The following VWF variants were observed in gnomAD, a reference collection of about 807,000 sequenced individuals.
VWF encodes the protein von Willebrand factor, also known as Factor VIII related antigen.
In VWF, 176 loss-of-function variants were observed where a neutral mutation model predicts 308.6. The observed-to-expected ratio is 0.57, with a 90% CI of 0.50 to 0.65. The LOEUF is 0.65. Ranked by LOEUF, VWF falls within the 30% of genes least tolerant of loss-of-function variation. The pLI is 0.00. For missense variants in VWF, 3,146 were observed against 3,648.2 expected (o/e 0.86, Z 3.55); for synonymous variants, 1,385 against 1,443.4 (o/e 0.96, Z 0.92).
intron 21 of VWF, 34 bp downstream of exon 21, chr12:6,031,410 C>T (rs73034830): frequency 3.0e-5 from 49 of 1,614,062 alleles, no homozygotes; most frequent in African/African-American, 5.3e-5. Flanking sequence ...AAGCACAAAG[C>T]GGGACATGAG....
chr12:6,078,183 G>A (rs887834174), intron 6 of VWF, among the ~76,000 whole-genome samples: 1 of 152,092 alleles, frequency 6.6e-6, no homozygotes, highest in African/African-American at 2.4e-5. Flanking sequence ...CCATCACCCT[G>A]GGCTATACTG....
chr12:5,949,326 A>G (rs1221988886), intron 51 of VWF, 123 bp from the exon 52 acceptor site: 25 of 948,562 alleles, frequency 2.6e-5, no homozygotes, highest in Non-Finnish European at 3.6e-5. Flanking sequence ...GATCTCACCC[A>G]GAAGCACCCA....
intron 48 of VWF, among the ~76,000 whole-genome samples, chr12:5,953,050 A>C (rs1186437823): frequency 6.6e-6 from 1 of 152,144 alleles, no homozygotes; most frequent in African/African-American, 2.4e-5. Flanking sequence ...AACATGATGA[A>C]ATCCCATCTC....
At chr12:6,059,771 A>G (rs1001492921) in intron 13 of VWF, among the ~76,000 whole-genome samples, 1 of 152,248 alleles carries the variant, frequency 6.6e-6, no homozygotes, top group South Asian at 2.1e-4. Context: ...CAGCAGTGCC[A>G]GCAGACACTC....
intron 31 of VWF, among the ~76,000 whole-genome samples, chr12:6,015,658 A>G (rs1591860071): frequency 6.6e-6 from 1 of 151,604 alleles, no homozygotes; most frequent in African/African-American, 2.4e-5. Context: ...TCATCCATCA[A>G]CCCTGCCAAG....
At chr12:6,103,504 G>GTGTGTA (rs1945205067) in intron 5 of VWF, among the ~76,000 whole-genome samples, 1 of 103,868 alleles carries the variant, frequency 9.6e-6, no homozygotes, top group African/African-American at 6.4e-5. Flanking sequence ...ATACACACAC[G>GTGTGTA]TATATATATA....
chr12:6,004,423 C>T (rs114007092), intron 34 of VWF, among the ~76,000 whole-genome samples: 1,600 of 152,210 alleles, frequency 0.011, 30 homozygotes, highest in African/African-American at 0.037. Context: ...TTGAGGGATA[C>T]TTTCATAATA....
At chr12:6,084,661 T>C (rs1235942516) in intron 6 of VWF, among the ~76,000 whole-genome samples, 1 of 152,070 alleles carries the variant, frequency 6.6e-6, no homozygotes, top group East Asian at 1.9e-4. Context: ...AGGGGGACAT[T>C]CCTAGGACTG....
intron 18 of VWF, among the ~76,000 whole-genome samples, chr12:6,039,739 C>T (rs2136435515): frequency 6.6e-6 from 1 of 152,272 alleles, no homozygotes; most frequent in East Asian, 1.9e-4. Context: ...ACATGTGAGG[C>T]CGCCTCTGGA....
At chr12:6,123,117 G>C (rs751301308) in intron 2 of VWF, 25 bp downstream of exon 2, 5 of 1,614,028 alleles carry the variant, frequency 3.1e-6, no homozygotes, top group Non-Finnish European at 4.2e-6. Context: ...GCAGGAATGA[G>C]AAATGGAGGC....
At chr12:6,021,412 A>T (rs1318224119) in intron 27 of VWF, 1 of 165,614 alleles carries the variant, frequency 6.0e-6, no homozygotes, top group Admixed American at 5.7e-5. Flanking sequence ...GAGAGCAACG[A>T]GCACCTTCCC....
intron 6 of VWF, among the ~76,000 whole-genome samples, chr12:6,092,537 ACG>A (rs1565386502): frequency 2.5e-5 from 3 of 122,234 alleles, no homozygotes; most frequent in East Asian, 2.5e-4. Flanking sequence ...GTGTGTGTGC[ACG>A]CGCGTGTGCC....
In VWF at chr12:6,040,891, C is replaced by T. The variant is rs184377508; in HGVS notation, c.2442+3400G>A. On this transcript the variant is annotated intron_variant, in intron 18 of 51. Transcript: ENST00000261405. ...CGCCAATATTTTCAAACAGGTGCTTCTGGGCATACGGTGGACACTGAGAGG... is the reference window on the plus strand; with the variant it reads ...CGCCAATATTTTCAAACAGGTGCTTTTGGGCATACGGTGGACACTGAGAGG... 3.3e-5 allele frequency among the ~76,000 whole-genome samples: 5 copies of T among 152,302 alleles called. No homozygotes were observed. The East Asian group carries it at 9.7e-4, about 29-fold the overall frequency.
At chr12:5,950,662 T>TAA (rs11390977) in intron 50 of VWF, among the ~76,000 whole-genome samples, 32 of 146,108 alleles carry the variant, frequency 2.2e-4, no homozygotes, top group Admixed American at 3.4e-4. Context: ...GAGGATGAAT[T>TAA]AAAAAAAAAA....
chr12:6,030,945 T>C (rs34794268), intron 21 of VWF, among the ~76,000 whole-genome samples: 38,035 of 151,850 alleles, frequency 0.25, 5,058 homozygotes, highest in African/African-American at 0.32. Context: ...AGGAGAATCG[T>C]TTGAACCCTA....
intron 42 of VWF, 65 bp from the exon 43 acceptor site, chr12:5,976,325 C>A: frequency 6.2e-7 from 1 of 1,606,426 alleles, no homozygotes; most frequent in South Asian, 1.1e-5. Context: ...GAGTTAGCAC[C>A]TACTACACAG....
chr12:6,062,247 G>A (rs183982400), intron 13 of VWF, among the ~76,000 whole-genome samples: 103 of 152,142 alleles, frequency 6.8e-4, no homozygotes, highest in Admixed American at 9.8e-4. Flanking sequence ...ACTAATCCTC[G>A]CTCTGCCATG....
At chr12:6,085,243 A>G (rs573423971) in intron 6 of VWF, among the ~76,000 whole-genome samples, 12 of 152,304 alleles carry the variant, frequency 7.9e-5, no homozygotes, top group African/African-American at 2.9e-4. Context: ...CCCTTTCTGA[A>G]TCACTCACCC....
intron 6 of VWF, among the ~76,000 whole-genome samples, chr12:6,076,143 C>T (rs10849380): frequency 6.6e-6 from 1 of 151,960 alleles, no homozygotes; most frequent in African/African-American, 2.4e-5. Flanking sequence ...CAACAGCATG[C>T]GCTGATTCTG....
Sources: gnomAD v4.1 joint callset for allele counts (sites outside exome capture counted in the v4.1 genomes callset) on GRCh38, gnomAD v4.1.1 for gene constraint, MANE v1.5 for transcripts, NCBI Gene and HGNC (gene_info 2026-07-23, HGNC 2026-07-21) for gene names.